Variants in SLC35F5 observed in about 807,000 individuals in gnomAD.
The protein encoded by SLC35F5 is HCV NS5A-transactivated protein 3.
SLC35F5 carries 54 observed loss-of-function variants against 68.6 expected under a neutral mutation model. The ratio of observed to expected loss-of-function variants is 0.79; its 90% CI spans 0.63 to 0.99. The LOEUF is 0.99. SLC35F5 is among the 50% of genes least tolerant of loss of function. The pLI, the probability that SLC35F5 is intolerant of heterozygous loss-of-function variation, is 0.00. For synonymous variants in SLC35F5, 211 were observed against 205.2 expected (o/e 1.03, Z -0.24); for missense variants, 567 against 626.9 (o/e 0.90, Z 1.02).
chr2:113,718,921 G>GA (rs1559318256), intron 14 of SLC35F5, among the ~76,000 whole-genome samples: 1 of 67,782 alleles, frequency 1.5e-5, no homozygotes, highest in East Asian at 2.7e-4. Context: ...AAGAAAGAAA[G>GA]AAAGAAAAAG....
rs1687512536 is a variant in SLC35F5, at chr2:113,723,088, T to C, written c.1341+16A>G. The C allele has an allele frequency of 2.0e-6, 3 of 1,510,674 alleles. No homozygotes were observed. Among genetic ancestry groups the C allele is most frequent in the African/African-American group, 1.4e-5 (1 of 71,018 alleles). The allele number at this position is 1,510,674 out of a possible 1,614,324, so 93.6% of individuals were successfully genotyped here. On this transcript the variant is annotated intron_variant, in intron 13 of 15. Transcript: ENST00000245680. ...ACACACCTAAAATATCTATGAATAA[T>C]AAATAGTTTCCTTACCTTTTGCATA... is the stretch of plus-strand genomic sequence containing the variant.
rs1380272723 is a variant in SLC35F5, at chr2:113,706,712, A to G, written c.*8506T>C. Among the ~76,000 whole-genome samples, 1 of 152,234 alleles carries G rather than the reference A, an allele frequency of 6.6e-6. No homozygotes were observed. Among genetic ancestry groups the G allele is most frequent in the Non-Finnish European group, 1.5e-5 (1 of 68,044 alleles). ...ACACATCTTAGAGACTAAGGTGTGA[A>G]AGAATGAATGAGTGAAAATGTTTTA... On this transcript the variant is annotated 3_prime_UTR_variant, in exon 16 of 16. Transcript: ENST00000245680.
intron 4 of SLC35F5, among the ~76,000 whole-genome samples, chr2:113,749,187 A>G (rs1296497938): frequency 1.3e-5 from 2 of 152,178 alleles, no homozygotes; most frequent in African/African-American, 2.4e-5. Context: ...CACCAAGCCC[A>G]GCTTTAAAAA....
chr2:113,743,685 T>C, intron 6 of SLC35F5, 28 bp downstream of exon 6: 1 of 1,586,092 alleles, frequency 6.3e-7, no homozygotes. Context: ...AAAGGTAAAC[T>C]TTCTACCCAT....
intron 13 of SLC35F5, 56 bp from the exon 14 acceptor site, chr2:113,719,364 T>G: frequency 2.1e-6 from 3 of 1,463,212 alleles, no homozygotes; most frequent in Non-Finnish European, 2.7e-6. Context: ...AAGGCAATTT[T>G]CCCCTTCAAT....
At chr2:113,753,668 C>T (rs184407584) in intron 3 of SLC35F5, among the ~76,000 whole-genome samples, 396 of 152,224 alleles carry the variant, frequency 2.6e-3, no homozygotes, top group African/African-American at 9.3e-3. Context: ...TTTTTTACAA[C>T]ATGGTGTTTC....
chr2:113,704,588 A>G (rs1686761869), downstream of SLC35F5, among the ~76,000 whole-genome samples: 1 of 152,052 alleles, frequency 6.6e-6, no homozygotes, highest in South Asian at 2.1e-4. Flanking sequence ...AATCGAGCGC[A>G]GCGCCGGTGG....
chr2:113,724,805 TTTTAAG>T (rs1430884921), intron 12 of SLC35F5, among the ~76,000 whole-genome samples: 6 of 152,320 alleles, frequency 3.9e-5, no homozygotes, highest in East Asian at 1.9e-4. Context: ...CTTCATACTA[TTTTAAG>T]TTTATTATCG....
intron 3 of SLC35F5, among the ~76,000 whole-genome samples, chr2:113,754,800 A>T (rs1223719921): frequency 6.6e-6 from 1 of 152,210 alleles, no homozygotes; most frequent in African/African-American, 2.4e-5. Context: ...AGCACTCTGA[A>T]CCTTCTACTA....
At chr2:113,721,151 T>A (rs1030847800) in intron 13 of SLC35F5, 1 of 152,040 alleles carries the variant, frequency 6.6e-6, no homozygotes, top group African/African-American at 2.4e-5. Flanking sequence ...TACAGTTAGC[T>A]AATTAAACCT....
At position 113,710,859 on chromosome 2, in the gene SLC35F5, A is replaced by G. The variant is rs1686962552; in HGVS notation, c.*4359T>C. On this transcript the variant is annotated 3_prime_UTR_variant, in exon 16 of 16. Coordinates refer to ENST00000245680, the MANE Select transcript of SLC35F5 (RefSeq NM_025181.5). Reference sequence around the variant, plus strand: ...GCCTTCCAAGGACCCACTGAAATTAATGGATACTCTCACATGACTGACTTT... The same window carrying G: ...GCCTTCCAAGGACCCACTGAAATTAGTGGATACTCTCACATGACTGACTTT... 6.6e-6 allele frequency among the ~76,000 whole-genome samples: 1 copy of G among 152,230 alleles called. No homozygotes were observed. The highest frequency in any genetic ancestry group is 2.1e-4 in the South Asian group (1 of 4,838).
chr2:113,745,222 A>G (rs1676441062), intron 5 of SLC35F5, among the ~76,000 whole-genome samples: 1 of 152,220 alleles, frequency 6.6e-6, no homozygotes, highest in African/African-American at 2.4e-5. Context: ...CTGTACTGAT[A>G]GAGACAAATG....
At chr2:113,736,355 A>G (rs1375332) in intron 7 of SLC35F5, among the ~76,000 whole-genome samples, 105,679 of 150,382 alleles carry the variant, frequency 0.7, 37,718 homozygotes, top group Middle Eastern at 0.82. Flanking sequence ...TGAGGTGGGA[A>G]GATTACTTGA....
chr2:113,749,053 C>T (rs1003079756), intron 4 of SLC35F5, among the ~76,000 whole-genome samples: 1 of 152,196 alleles, frequency 6.6e-6, no homozygotes, highest in Non-Finnish European at 1.5e-5. Flanking sequence ...TTCGCCCCCT[C>T]GGCCTCCCAA....
chr2:113,717,547 A>G, intron 15 of SLC35F5: 1 of 376,876 alleles, frequency 2.7e-6, no homozygotes, highest in Non-Finnish European at 4.8e-6. Context: ...TTCACAAATA[A>G]GAAAGCTGGA....
At chr2:113,717,531 T>A (rs1284940035) in intron 15 of SLC35F5, 2 of 362,386 alleles carry the variant, frequency 5.5e-6, no homozygotes, top group African/African-American at 4.2e-5. Context: ...TCTACTGTAA[T>A]CCCATTTCAC....
intron 9 of SLC35F5, 95 bp from the exon 10 acceptor site, chr2:113,731,743 C>T: frequency 1.1e-6 from 1 of 926,886 alleles, no homozygotes; most frequent in Non-Finnish European, 1.7e-6. Flanking sequence ...AGACTAATCT[C>T]AACTTTGGGT....
chr2:113,756,304 C>A, intron 1 of SLC35F5, 66 bp downstream of exon 1: 1 of 1,549,400 alleles, frequency 6.5e-7, no homozygotes, highest in Non-Finnish European at 8.7e-7. Context: ...GGAGGTGGTG[C>A]TGCTGGTGGG....
chr2:113,722,135 C>A (rs1215419032), intron 13 of SLC35F5, among the ~76,000 whole-genome samples: 1 of 151,788 alleles, frequency 6.6e-6, no homozygotes, highest in Non-Finnish European at 1.5e-5. Flanking sequence ...CCATCACACC[C>A]AGCTAATTTT....
Sources: allele counts gnomAD v4.1 joint callset (sites outside exome capture counted in the v4.1 genomes callset), GRCh38; gene constraint gnomAD v4.1.1; transcripts MANE v1.5; gene names NCBI Gene and HGNC (gene_info 2026-07-23, HGNC 2026-07-21).